The following TDG variants were observed in gnomAD, a reference collection of about 807,000 sequenced individuals.
TDG encodes the protein G/T mismatch-specific thymine DNA glycosylase.
TDG carries 23 observed loss-of-function variants against 46.1 expected under a neutral mutation model. The observed-to-expected ratio is 0.50, with a 90% CI of 0.36 to 0.71. The LOEUF (loss-of-function observed/expected upper bound fraction) is 0.71, where lower values mean the gene tolerates loss of function less well. Ranked by LOEUF, TDG falls within the 30% of genes least tolerant of loss-of-function variation. TDG has a pLI of 0.00. For synonymous variants in TDG, 115 were observed against 161.3 expected (o/e 0.71, Z 2.18); for missense variants, 304 against 486.7 (o/e 0.62, Z 3.53).
rs546846621 is a variant in TDG, at chr12:103,984,810, A to G, written c.854A>G (p.Lys285Arg). The change falls in exon 8 of 10, where the codon AAA becomes AGA. Residue 285 changes from lysine (K) to arginine (R), a missense_variant. Lys to Arg is a conservative substitution (Grantham distance 26). Coordinates refer to ENST00000392872, the MANE Select transcript of TDG (RefSeq NM_003211.6). ...RCAQFPRAQDKVHYYIKLKDL... is the reference protein window; with the variant it reads ...RCAQFPRAQDRVHYYIKLKDL... ...GCTCAGTTTCCTCGAGCCCAAGACA[A>G]AGTTCATTACTACATAAAACTGAAG... The G allele has an allele frequency of 1.2e-6, 2 of 1,613,226 alleles. No homozygotes were observed. Among genetic ancestry groups the G allele is most frequent in the South Asian group, 1.1e-5 (1 of 91,044 alleles).
At chr12:103,974,242 T>A (rs1871406880) in intron 1 of TDG, among the ~76,000 whole-genome samples, 1 of 150,776 alleles carries the variant, frequency 6.6e-6, no homozygotes, top group Non-Finnish European at 1.5e-5. Flanking sequence ...ACATAGTTCA[T>A]CCATTTAAAG....
rs776862012 is a variant in TDG, at chr12:103,984,754, C to T, written c.798C>T (p.Cys266=). Residue 266 remains cysteine (C), a synonymous_variant, in exon 8 of 10, where the codon TGC becomes TGT. Transcript: ENST00000392872. ...ATAAAATGTTGTGATTCTAGCTCTGCTATGTTATGCCATCATCCAGTGCAA... is the reference window on the plus strand; with the variant it reads ...ATAAAATGTTGTGATTCTAGCTCTGTTATGTTATGCCATCATCCAGTGCAA... ...PHKIPDTETL[C]YVMPSSSARC... The T allele has an allele frequency of 1.2e-6, 2 of 1,601,982 alleles. No homozygotes were observed. Among genetic ancestry groups the T allele is most frequent in the South Asian group, 2.2e-5 (2 of 89,962 alleles).
chr12:103,969,846 T>G (rs1339107009), intron 1 of TDG, among the ~76,000 whole-genome samples: 1 of 152,198 alleles, frequency 6.6e-6, no homozygotes. Context: ...CTGATGAGGC[T>G]TTATCTGGAG....
intron 3 of TDG, 64 bp from the exon 4 acceptor site, chr12:103,980,829 A>G: frequency 1.7e-5 from 26 of 1,486,674 alleles, no homozygotes; most frequent in Non-Finnish European, 2.4e-5. Context: ...CCACTCCTCC[A>G]TAGAAACGCT....
intron 1 of TDG, among the ~76,000 whole-genome samples, chr12:103,968,162 T>C (rs1871139526): frequency 6.6e-6 from 1 of 152,124 alleles, no homozygotes; most frequent in Non-Finnish European, 1.5e-5. Flanking sequence ...TCAGGAGTCT[T>C]AGAAAGTGCT....
intron 1 of TDG, among the ~76,000 whole-genome samples, chr12:103,970,914 C>T (rs1871258973): frequency 6.6e-6 from 1 of 151,640 alleles, no homozygotes. Flanking sequence ...ATTCAACCAA[C>T]TGTGGATTGA....
In TDG at chr12:103,967,116, ATC is replaced by A. The variant is rs528305801; in HGVS notation, c.23+1065_23+1066del. ...AGAGAATTCACCAGAATTTGTGGAA[ATC>A]TCTCTCTCATAACCTCACTTAAGAG... is the stretch of plus-strand genomic sequence containing the variant. On this transcript the variant is annotated intron_variant, in intron 1 of 9. Coordinates refer to ENST00000392872, the MANE Select transcript of TDG (RefSeq NM_003211.6). Among the ~76,000 whole-genome samples, 34 of 152,316 alleles carry A rather than the reference ATC, an allele frequency of 2.2e-4. No homozygotes were observed. In the Middle Eastern group the frequency reaches 0.01, roughly 46 times the overall value.
chr12:103,974,711 C>T (rs1871441430), intron 1 of TDG, among the ~76,000 whole-genome samples: 1 of 152,096 alleles, frequency 6.6e-6, no homozygotes, highest in Non-Finnish European at 1.5e-5. Context: ...TGGCTCATGC[C>T]TATAATCCCA....
At chr12:103,982,501 TCA>T (rs1333199169) in intron 4 of TDG, among the ~76,000 whole-genome samples, 2 of 152,176 alleles carry the variant, frequency 1.3e-5, no homozygotes, top group African/African-American at 2.4e-5. Context: ...GCGCTGTGGC[TCA>T]CACCTGTAAT....
At chr12:103,975,736 A>T (rs990124571) in intron 1 of TDG, among the ~76,000 whole-genome samples, 2 of 151,924 alleles carry the variant, frequency 1.3e-5, no homozygotes, top group Non-Finnish European at 2.9e-5. Context: ...ATCTCAGCTC[A>T]CTTAAACCTC....
intron 1 of TDG, among the ~76,000 whole-genome samples, chr12:103,967,664 C>A (rs908149046): frequency 1.3e-5 from 2 of 151,954 alleles, no homozygotes; most frequent in Admixed American, 6.6e-5. Flanking sequence ...ACCATGTTGG[C>A]CAGGCTGGTC....
At chr12:103,982,627 T>C (rs543079594) in intron 4 of TDG, among the ~76,000 whole-genome samples, 172 bp from the exon 5 acceptor site, 20 of 151,806 alleles carry the variant, frequency 1.3e-4, no homozygotes, top group African/African-American at 4.8e-4. Context: ...TAGCTGGGCG[T>C]GGTGGTGTGC....
chr12:103,966,476 T>A (rs1021129809), intron 1 of TDG, among the ~76,000 whole-genome samples: 17 of 152,170 alleles, frequency 1.1e-4, no homozygotes, highest in African/African-American at 4.1e-4. Context: ...TAAAGTTGGT[T>A]GATTTGTTGC....
chr12:103,965,899 A>C lies in TDG; in HGVS notation c.-139A>C. The C allele has an allele frequency of 5.4e-6, 7 of 1,288,120 alleles. No individual in the cohort carries two copies. Among genetic ancestry groups the C allele is most frequent in the Non-Finnish European group, 7.3e-6 (7 of 952,820 alleles). The allele number at this position is 1,288,120 out of a possible 1,614,324, so 79.8% of individuals were successfully genotyped here. ...AAGCCTGGAGGAGGAGCTTGAGTCC[A>C]GCCACTGTCTGGGTACTGCCAGCCA... is the stretch of plus-strand genomic sequence containing the variant. On this transcript the variant is annotated 5_prime_UTR_variant, in exon 1 of 10. Coordinates refer to ENST00000392872, the MANE Select transcript of TDG (RefSeq NM_003211.6).
chr12:103,972,879 C>T (rs1361197625), intron 1 of TDG: 2 of 600,374 alleles, frequency 3.3e-6, no homozygotes, highest in Non-Finnish European at 5.9e-6. Context: ...TCCGACTATA[C>T]TAAAAGTTTT....
Position 103,965,885 on chromosome 12 carries a change from A to C in TDG, c.-153A>C, listed in dbSNP as rs1428435534. The C allele has an allele frequency of 3.3e-6, 4 of 1,220,792 alleles. No individual in the cohort carries two copies. Among genetic ancestry groups the C allele is most frequent in the Middle Eastern group, 2.7e-4 (1 of 3,692 alleles). The allele number at this position is 1,220,792 out of a possible 1,614,324, so 75.6% of individuals were successfully genotyped here. A position where few individuals can be genotyped will look rare whatever the true frequency, so the allele number is the denominator to read the frequency against. ...GTGGGGGACGGTAGAAGCCTGGAGGAGGAGCTTGAGTCCAGCCACTGTCTG... is the reference window on the plus strand; with the variant it reads ...GTGGGGGACGGTAGAAGCCTGGAGGCGGAGCTTGAGTCCAGCCACTGTCTG... On this transcript the variant is annotated 5_prime_UTR_variant, in exon 1 of 10. Coordinates refer to ENST00000392872, the MANE Select transcript of TDG (RefSeq NM_003211.6).
intron 9 of TDG, 188 bp from the exon 10 acceptor site, chr12:103,986,760 C>T: frequency 1.8e-6 from 1 of 550,398 alleles, no homozygotes; most frequent in Non-Finnish European, 3.2e-6. Context: ...TGGCTCACAC[C>T]TGTAATCCCA....
At chr12:103,971,843 TACATTGTCC>T (rs1236894881) in intron 1 of TDG, among the ~76,000 whole-genome samples, 2 of 152,196 alleles carry the variant, frequency 1.3e-5, no homozygotes, top group East Asian at 3.9e-4. Context: ...CTATTTCCTA[TACATTGTCC>T]ACATATGTAG....
chr12:103,987,813 T>C lies in TDG; in HGVS notation c.*723T>C, dbSNP rs1175758157. On this transcript the variant is annotated 3_prime_UTR_variant, in exon 10 of 10. Transcript: ENST00000392872. ...CTGTGTTTTACTTGAGACATGTAAATATGATAGGGAAGGAACTGAATTTCT... is the reference window on the plus strand; with the variant it reads ...CTGTGTTTTACTTGAGACATGTAAACATGATAGGGAAGGAACTGAATTTCT... The C allele has an allele frequency of 6.6e-6, 1 of 152,490 alleles. No individual in the cohort carries two copies. Among genetic ancestry groups the C allele is most frequent in the African/African-American group, 2.4e-5 (1 of 41,472 alleles). 9.4% of individuals were successfully genotyped at this position (152,490 alleles called of 1,614,324 possible).
Sources: allele counts gnomAD v4.1 joint callset (sites outside exome capture counted in the v4.1 genomes callset), GRCh38; gene constraint gnomAD v4.1.1; transcripts MANE v1.5; gene names NCBI Gene and HGNC (gene_info 2026-07-23, HGNC 2026-07-21).